DLC1: variants seen among roughly 807,000 people sequenced by gnomAD.
DLC1 encodes DLC1 Rho GTPase activating protein.
In DLC1, 54 loss-of-function variants were observed where a neutral mutation model predicts 140.3. The ratio of observed to expected loss-of-function variants is 0.38; its 90% CI spans 0.31 to 0.48. The LOEUF (loss-of-function observed/expected upper bound fraction) is 0.48, where lower values mean the gene tolerates loss of function less well. Ranked by LOEUF, DLC1 falls within the 20% of genes least tolerant of loss-of-function variation. The pLI is 0.96. For synonymous variants in DLC1, 986 were observed against 728.1 expected (o/e 1.35, Z -5.70); for missense variants, 2,536 against 1,907.0 (o/e 1.33, Z -6.14).
At chr8:13,527,933 A>G (rs1037260498) in intron 1 of DLC1, among the ~76,000 whole-genome samples, 8 of 152,140 alleles carry the variant, frequency 5.3e-5, no homozygotes, top group Non-Finnish European at 1.0e-4. Flanking sequence ...AACGCTATAA[A>G]CCAGTAGGAT....
chr8:13,390,791 T>C (rs1191463792), intron 4 of DLC1, among the ~76,000 whole-genome samples: 1 of 151,990 alleles, frequency 6.6e-6, no homozygotes, highest in Non-Finnish European at 1.5e-5. Flanking sequence ...ATCAAGACCA[T>C]CTTGGCTAAC....
chr8:13,196,566 T>G (rs1336053290), intron 5 of DLC1, among the ~76,000 whole-genome samples: 1 of 152,226 alleles, frequency 6.6e-6, no homozygotes, highest in Non-Finnish European at 1.5e-5. Context: ...TCTGTGATTC[T>G]GTGGTTCTAT....
At chr8:13,536,391 T>C (rs892044059) in intron 1 of DLC1, among the ~76,000 whole-genome samples, 77 of 152,298 alleles carry the variant, frequency 5.1e-4, no homozygotes, top group Middle Eastern at 3.4e-3. Flanking sequence ...AGCATTGGTT[T>C]AATGCAGCTC....
chr8:13,590,780 T>A (rs1177450262), intron 1 of DLC1, among the ~76,000 whole-genome samples: 1 of 152,130 alleles, frequency 6.6e-6, no homozygotes, highest in Non-Finnish European at 1.5e-5. Context: ...GTTCTATAAT[T>A]TATTTACTCC....
At chr8:13,420,765 G>A (rs1838282676) in intron 2 of DLC1, among the ~76,000 whole-genome samples, 1 of 152,024 alleles carries the variant, frequency 6.6e-6, no homozygotes, top group Admixed American at 6.6e-5. Context: ...ATAGTATTCT[G>A]TGGTGTATAT....
intron 4 of DLC1, among the ~76,000 whole-genome samples, chr8:13,315,549 A>T (rs1048302396): frequency 1.3e-5 from 2 of 152,210 alleles, no homozygotes; most frequent in African/African-American, 4.8e-5. Context: ...GATGAACTTG[A>T]TGTTGGGGCC....
At position 13,274,321 on chromosome 8, in the gene DLC1, CAA is replaced by C. The variant is rs1303290299; in HGVS notation, c.1348+30946_1348+30947del. ...CAAAAGTGTCCAGGTCCCCCAAAAT[CAA>C]AGTCAGTTGTCATAGCCAAAGTCTT... On this transcript the variant is annotated intron_variant, in intron 5 of 17. Transcript: ENST00000276297. Among the ~76,000 whole-genome samples, 4 of 152,282 alleles carry C rather than the reference CAA, an allele frequency of 2.6e-5. No individual in the cohort carries two copies. The East Asian group carries it at 5.8e-4, about 22-fold the overall frequency.
intron 1 of DLC1, among the ~76,000 whole-genome samples, chr8:13,564,727 A>G (rs1313011873): frequency 6.6e-6 from 1 of 152,212 alleles, no homozygotes; most frequent in Non-Finnish European, 1.5e-5. Flanking sequence ...TTGGCCTTAT[A>G]GCTGCAAAGC....
chr8:13,256,740 A>G (rs1213429579), intron 5 of DLC1, among the ~76,000 whole-genome samples: 3 of 152,044 alleles, frequency 2.0e-5, no homozygotes, highest in African/African-American at 7.2e-5. Context: ...GGGGCAAGGG[A>G]AGGGAGAGCA....
At chr8:13,579,276 A>G (rs1396115589) in intron 1 of DLC1, among the ~76,000 whole-genome samples, 3 of 95,978 alleles carry the variant, frequency 3.1e-5, no homozygotes, top group African/African-American at 1.2e-4. Flanking sequence ...ATATGCACAT[A>G]TCTACCTGGA....
chr8:13,182,673 G>T (rs548971422), intron 5 of DLC1, among the ~76,000 whole-genome samples: 1 of 152,042 alleles, frequency 6.6e-6, no homozygotes. Flanking sequence ...CTGTTCCATT[G>T]GTCTATATCT....
intron 5 of DLC1, among the ~76,000 whole-genome samples, chr8:13,281,424 CA>C (rs1430531913): frequency 6.6e-6 from 1 of 152,132 alleles, no homozygotes; most frequent in East Asian, 1.9e-4. Flanking sequence ...TGGGGACAAA[CA>C]AAATTATTCT....
chr8:13,138,578 T>G (rs1236013721), intron 5 of DLC1, among the ~76,000 whole-genome samples: 1 of 152,234 alleles, frequency 6.6e-6, no homozygotes, highest in East Asian at 1.9e-4. Context: ...ACAGGGGGGA[T>G]AATTTTTATT....
intron 2 of DLC1, among the ~76,000 whole-genome samples, chr8:13,422,629 C>G (rs529152896): frequency 6.6e-6 from 1 of 152,004 alleles, no homozygotes; most frequent in South Asian, 2.1e-4. Flanking sequence ...TTTGTCACTT[C>G]TTTCATTAGT....
chr8:13,204,375 A>G (rs565151785), intron 5 of DLC1, among the ~76,000 whole-genome samples: 235 of 152,216 alleles, frequency 1.5e-3, no homozygotes, highest in African/African-American at 5.3e-3. Context: ...TGTAATGAGA[A>G]CCGCTATCAT....
At chr8:13,191,154 C>T (rs555946178) in intron 5 of DLC1, among the ~76,000 whole-genome samples, 4 of 152,148 alleles carry the variant, frequency 2.6e-5, no homozygotes, top group Non-Finnish European at 5.9e-5. Context: ...GAGGCCTCTT[C>T]GTAGCCACAT....
chr8:13,269,014 A>C (rs541005909), intron 5 of DLC1, among the ~76,000 whole-genome samples: 2 of 151,634 alleles, frequency 1.3e-5, no homozygotes, highest in East Asian at 1.9e-4. Flanking sequence ...GCTGGGACTA[A>C]AGGCACCCGC....
intron 4 of DLC1, among the ~76,000 whole-genome samples, chr8:13,321,316 G>A (rs1833099697): frequency 6.6e-6 from 1 of 152,020 alleles, no homozygotes; most frequent in Non-Finnish European, 1.5e-5. Flanking sequence ...GTAGTGGGCA[G>A]GTCACAAGGT....
chr8:13,493,777 C>A (rs190835760), intron 2 of DLC1, among the ~76,000 whole-genome samples: 28 of 152,232 alleles, frequency 1.8e-4, no homozygotes, highest in Admixed American at 1.1e-3. Context: ...ATTTTCTGCA[C>A]AATTTACTAT....
Sources: allele counts gnomAD v4.1 joint callset (sites outside exome capture counted in the v4.1 genomes callset), GRCh38; gene constraint gnomAD v4.1.1; transcripts MANE v1.5; gene names NCBI Gene and HGNC (gene_info 2026-07-23, HGNC 2026-07-21).